GPR174: variants seen among roughly 807,000 people sequenced by gnomAD.
GPR174 encodes the protein G protein-coupled receptor 174, also known as probable G protein-coupled receptor 174.
Under a neutral mutation model 16.5 loss-of-function variants are expected in GPR174, and 8 were observed. That is an observed-to-expected ratio of 0.48 (90% CI 0.28 to 0.87). GPR174 has a LOEUF of 0.87. GPR174 is among the 40% of genes least tolerant of loss of function. GPR174 has a pLI of 0.09. For missense variants in GPR174, 214 were observed against 247.5 expected, an observed-to-expected ratio of 0.86 and a Z score of 0.91; for synonymous variants, 111 against 94.8, an observed-to-expected ratio of 1.17 and a Z score of -0.99.
chrX:79,150,982 G>A (rs763247759), intron 1 of GPR174, among the ~76,000 whole-genome samples: 1 of 111,260 alleles, frequency 9.0e-6, no homozygotes, highest in African/African-American at 3.3e-5. Flanking sequence ...CTAAGGGTCA[G>A]CATCAGATTC....
chrX:79,152,400 G>C (rs1280087553), intron 1 of GPR174, among the ~76,000 whole-genome samples: 1 of 111,601 alleles, frequency 9.0e-6, no homozygotes, highest in African/African-American at 3.3e-5. Flanking sequence ...CTACATTACA[G>C]AGAGAATTAA....
intron 2 of GPR174, among the ~76,000 whole-genome samples, chrX:79,159,820 T>C (rs1324520186): frequency 8.9e-6 from 1 of 112,079 alleles, no homozygotes; most frequent in Admixed American, 9.5e-5. Flanking sequence ...TGACAAATTA[T>C]TAGAGCTAAA....
Position 79,170,874 on chromosome X carries a change from G to A in GPR174, c.-134G>A. 1.9e-6 allele frequency: 1 copy of A among 517,546 alleles called. No individual in the cohort carries two copies. The highest frequency in any genetic ancestry group is 3.6e-5 in the East Asian group (1 of 27,484). The allele number at this position is 517,546 out of a possible 1,213,427, so 42.7% of individuals were successfully genotyped here. ...ATACGTAGAGACTCAGACAGATGTG[G>A]TAAAAAGAGGAAGGTTATTTTATAC... On this transcript the variant is annotated 5_prime_UTR_variant, in exon 3 of 3. It introduces an in-frame stop codon into an upstream open reading frame of the 5' UTR. Coordinates refer to ENST00000645147, the MANE Select transcript of GPR174 (RefSeq NM_032553.3).
chrX:79,146,602 C>A (rs775292968), intron 1 of GPR174, among the ~76,000 whole-genome samples: 6 of 112,399 alleles, frequency 5.3e-5, no homozygotes, highest in Non-Finnish European at 1.1e-4. Flanking sequence ...AACACATGTA[C>A]TGCTTTGCTT....
At chrX:79,169,089 T>C (rs1358178545) in intron 2 of GPR174, among the ~76,000 whole-genome samples, 1 of 112,050 alleles carries the variant, frequency 8.9e-6, no homozygotes, top group Non-Finnish European at 1.9e-5. Context: ...GTTTCTCACT[T>C]ACATATGGCT....
intron 1 of GPR174, among the ~76,000 whole-genome samples, chrX:79,149,030 A>G (rs1926553428): frequency 8.9e-6 from 1 of 111,774 alleles, no homozygotes; most frequent in South Asian, 3.7e-4. Flanking sequence ...TAGAAGATAG[A>G]CTGATTTATT....
chrX:79,168,759 C>A (rs147988825), intron 2 of GPR174, among the ~76,000 whole-genome samples: 6 of 110,712 alleles, frequency 5.4e-5, no homozygotes, highest in Non-Finnish European at 9.5e-5. Context: ...ATTTGATAAT[C>A]TAGTATTTTT....
intron 2 of GPR174, among the ~76,000 whole-genome samples, chrX:79,163,652 T>G (rs1921287192): frequency 8.9e-6 from 1 of 112,519 alleles, no homozygotes; most frequent in African/African-American, 3.2e-5. Flanking sequence ...GTGTTACTTT[T>G]TATCCTATGA....
At chrX:79,160,199 T>C (rs1602339824) in intron 2 of GPR174, among the ~76,000 whole-genome samples, 1 of 111,083 alleles carries the variant, frequency 9.0e-6, no homozygotes, top group Admixed American at 9.6e-5. Flanking sequence ...GCCTTTTTTT[T>C]CTACTTGATC....
chrX:79,171,606 T>C lies in GPR174; in HGVS notation c.599T>C (p.Ile200Thr). Reference sequence around the variant, plus strand: ...ATTGGGTTTGTAACTCCGCTTCTGATTGTCCTATATTGTACCTGGAAGACG... The same window carrying C: ...ATTGGGTTTGTAACTCCGCTTCTGACTGTCCTATATTGTACCTGGAAGACG... ...ELIGFVTPLL[I>T]VLYCTWKTVL... The change falls in exon 3 of 3, where the codon ATT becomes ACT. Residue 200 changes from isoleucine (I) to threonine (T), a missense_variant. Physicochemically the swap from Ile to Thr is moderately conservative, Grantham distance 89. Transcript: ENST00000645147. The C allele has an allele frequency of 8.3e-7, 1 of 1,211,400 alleles. No homozygotes were observed. The highest frequency in any genetic ancestry group is 3.0e-5 in the East Asian group (1 of 33,817).
Position 79,172,222 on chromosome X carries a change from C to T in GPR174, c.*213C>T. 1 of 385,931 alleles carries T rather than the reference C, an allele frequency of 2.6e-6. No homozygotes were observed. The highest frequency in any genetic ancestry group is 4.5e-6 in the Non-Finnish European group (1 of 222,144). The allele number at this position is 385,931 out of a possible 1,213,427, so 31.8% of individuals were successfully genotyped here. A position where few individuals can be genotyped will look rare whatever the true frequency, so the allele number is the denominator to read the frequency against. ...TTGACATGTCCATGTAGTAATTTTT[C>T]TTCAAGTCTGTAAATCTTAAAATAT... On this transcript the variant is annotated 3_prime_UTR_variant, in exon 3 of 3. Coordinates refer to ENST00000645147, the MANE Select transcript of GPR174 (RefSeq NM_032553.3).
intron 1 of GPR174, among the ~76,000 whole-genome samples, chrX:79,153,686 G>T (rs1281508704): frequency 8.9e-6 from 1 of 111,881 alleles, no homozygotes; most frequent in Admixed American, 9.5e-5. Flanking sequence ...AAAATTGACA[G>T]TCTTTAACAA....
At chrX:79,164,682 G>A (rs1482686352) in intron 2 of GPR174, among the ~76,000 whole-genome samples, 2 of 111,937 alleles carry the variant, frequency 1.8e-5, no homozygotes, top group African/African-American at 3.2e-5. Context: ...GATATCCACT[G>A]TAAAGGCATA....
intron 2 of GPR174, among the ~76,000 whole-genome samples, chrX:79,161,985 T>C (rs919848276): frequency 1.8e-5 from 2 of 112,218 alleles, no homozygotes; most frequent in Non-Finnish European, 3.8e-5. Context: ...TGTGGCTGCA[T>C]AAATGTATTT....
rs759825117 is a variant in GPR174 at position 79,144,992 on chromosome X, T to TTCTC, written c.-867_-864dup. ...TCTTTCTTTCTTTTTCTTTCTTTCT[T>TTCTC]TCTCTCTCTCTCTCTTTCTTTCTTT... is the stretch of plus-strand genomic sequence containing the variant. On this transcript the variant is annotated 5_prime_UTR_variant, in exon 1 of 3. Coordinates refer to ENST00000645147, the MANE Select transcript of GPR174 (RefSeq NM_032553.3). The TTCTC allele has an allele frequency of 1.5e-5, 1 of 68,574 alleles. No individual in the cohort carries two copies. Among genetic ancestry groups the TTCTC allele is most frequent in the Non-Finnish European group, 2.7e-5 (1 of 36,709 alleles). 5.7% of individuals were successfully genotyped at this position (68,574 alleles called of 1,213,427 possible).
chrX:79,147,515 A>AAAC, intron 1 of GPR174, among the ~76,000 whole-genome samples: 1 of 105,837 alleles, frequency 9.4e-6, no homozygotes, highest in Admixed American at 1.0e-4. Context: ...TAGAAAAAAA[A>AAAC]AAAAACCCAA....
rs73231585 is a variant in GPR174, at chrX:79,151,715, A to G, written c.-653-5107A>G. The stretch of plus-strand genomic sequence containing the variant: ...GGGAATAGGGAATAAAATGAATAAA[A>G]TTGAGAATTGTAAAAAGCAAAAATT... On this transcript the variant is annotated intron_variant, in intron 1 of 2. Transcript: ENST00000645147. Among the ~76,000 whole-genome samples the G allele has an allele frequency of 6.2e-3, 696 of 111,895 alleles. 2 individuals are homozygous for G. Among genetic ancestry groups the G allele is most frequent in the Non-Finnish European group, 9.8e-3 (520 of 53,003 alleles).
At chrX:79,145,873 C>A (rs1382040517) in intron 1 of GPR174, among the ~76,000 whole-genome samples, 1 of 111,485 alleles carries the variant, frequency 9.0e-6, no homozygotes, top group Non-Finnish European at 1.9e-5. Flanking sequence ...AGAAAGATAA[C>A]AGGCACAGTT....
At chrX:79,160,420 A>T (rs768877897) in intron 2 of GPR174, among the ~76,000 whole-genome samples, 1 of 112,086 alleles carries the variant, frequency 8.9e-6, no homozygotes, top group South Asian at 3.7e-4. Flanking sequence ...ACTCATTTGG[A>T]TTCTTGCTTT....
Sources: gnomAD v4.1 joint callset for allele counts (sites outside exome capture counted in the v4.1 genomes callset) on GRCh38, gnomAD v4.1.1 for gene constraint, MANE v1.5 for transcripts, NCBI Gene and HGNC (gene_info 2026-07-23, HGNC 2026-07-21) for gene names.